PCDHGA4: variants seen among roughly 807,000 people sequenced by gnomAD.
PCDHGA4 encodes the protein protocadherin gamma subfamily A, 4.
A neutral mutation model predicts 54.6 loss-of-function variants in PCDHGA4; 38 were observed. The ratio of observed to expected loss-of-function variants is 0.70; its 90% confidence interval spans 0.54 to 0.91. The LOEUF (loss-of-function observed/expected upper bound fraction) is 0.91, where lower values mean the gene tolerates loss of function less well. Among genes scored for constraint, PCDHGA4 ranks in the 40% least tolerant of loss-of-function variants. The probability of loss-of-function intolerance (pLI) is 0.00; values close to 1 mark genes in which losing one functional copy is unlikely to be tolerated. For synonymous variants in PCDHGA4, 511 were observed against 512.9 expected (o/e 1.00, Z 0.05); for missense variants, 1,298 against 1,220.9 (o/e 1.06, Z -0.94).
In PCDHGA4 at chr5:141,491,893, G is replaced by C. The variant is rs2099734820; in HGVS notation, c.2515-2914G>C. The C allele has an allele frequency of 6.9e-7, 1 of 1,438,856 alleles. No individual in the cohort carries two copies. The highest frequency in any genetic ancestry group is 9.2e-7 in the Non-Finnish European group (1 of 1,088,104). 89.1% of individuals were successfully genotyped at this position (1,438,856 alleles called of 1,614,324 possible). A position where few individuals can be genotyped will look rare whatever the true frequency, so the allele number is the denominator to read the frequency against. ...GGCCGATTAAGGGATGGGGCTCCGA[G>C]CACCGGGGGTGGTGGCGACTGTGGG... On this transcript the variant is annotated intron_variant, in intron 1 of 3. Coordinates refer to ENST00000571252, the MANE Select transcript of PCDHGA4 (RefSeq NM_018917.4). The surrounding 1 kb of genome is among the most constrained non-coding windows in gnomAD (Gnocchi z 6.9).
At chr5:141,443,055 C>G (rs994152277) in intron 1 of PCDHGA4, among the ~76,000 whole-genome samples, 1 of 152,208 alleles carries the variant, frequency 6.6e-6, no homozygotes, top group Non-Finnish European at 1.5e-5. Flanking sequence ...TATTGTTCCA[C>G]TGAAGAGCGT....
chr5:141,384,443 A>G, intron 1 of PCDHGA4: 1 of 1,614,030 alleles, frequency 6.2e-7, no homozygotes, highest in Non-Finnish European at 8.5e-7. Flanking sequence ...GGAGTCCTGT[A>G]CGCGCTGCAA....
At position 141,410,612 on chromosome 5, in the gene PCDHGA4, C is replaced by CT. The variant is rs748943892; in HGVS notation, c.2514+52992dup. The CT allele has an allele frequency of 5.6e-6, 9 of 1,605,878 alleles. 1 individual carries two copies. The South Asian group carries it at 9.9e-5, about 18-fold the overall frequency. On this transcript the variant is annotated intron_variant, in intron 1 of 3. Transcript: ENST00000571252. ...GGATTTGACTTCACATCCTGAGACT[C>CT]TGACTTCGGTGAGTTTCTCTTTTTT...
intron 1 of PCDHGA4, chr5:141,415,863 G>T (rs1321470910): frequency 2.7e-5 from 30 of 1,107,154 alleles, no homozygotes; most frequent in Non-Finnish European, 3.6e-5. Context: ...GTAGTTTATA[G>T]TGTTGTTGAG....
chr5:141,470,708 A>T (rs1293545270), intron 1 of PCDHGA4, among the ~76,000 whole-genome samples: 1 of 151,804 alleles, frequency 6.6e-6, no homozygotes. Flanking sequence ...TTTTTATTTT[A>T]TTTTTTTGAG....
intron 2 of PCDHGA4, among the ~76,000 whole-genome samples, chr5:141,497,132 G>T (rs2099774325): frequency 6.6e-6 from 1 of 152,046 alleles, no homozygotes; most frequent in Non-Finnish European, 1.5e-5. Context: ...GTTGCAGTGA[G>T]CTGAGATCAC....
chr5:141,491,648 T>G lies in PCDHGA4; in HGVS notation c.2515-3159T>G, dbSNP rs756792762. 1 of 1,613,834 alleles carries G rather than the reference T, an allele frequency of 6.2e-7. No individual in the cohort carries two copies. Among genetic ancestry groups the G allele is most frequent in the Non-Finnish European group, 8.5e-7 (1 of 1,180,002 alleles). On this transcript the variant is annotated intron_variant, in intron 1 of 3. Coordinates refer to ENST00000571252, the MANE Select transcript of PCDHGA4 (RefSeq NM_018917.4). This position sits in a 1 kb window ranked among gnomAD's most constrained non-coding sequence, Gnocchi z 6.9. Reference sequence around the variant, plus strand: ...GTTCAGCAGCCCACAGCTCTGGCGCTGGAGCCTGACGCCATCCGGTCCCGC... The same window carrying G: ...GTTCAGCAGCCCACAGCTCTGGCGCGGGAGCCTGACGCCATCCGGTCCCGC...
intron 1 of PCDHGA4, among the ~76,000 whole-genome samples, chr5:141,437,452 G>GACTAT (rs1319101256): frequency 6.6e-6 from 1 of 152,144 alleles, no homozygotes; most frequent in Non-Finnish European, 1.5e-5. Context: ...ATGTTGAGGA[G>GACTAT]ACTATACTAT....
In PCDHGA4 at chr5:141,355,881, G is replaced by T. The variant is rs1338727421; in HGVS notation, c.774G>T (p.Arg258Ser). ...ACCCGGTTCGCTCTGGCACTGCCAG[G>T]ATTCTCATAATACTTGTGGATACCA... ...GGDPVRSGTARILIILVDTND... is the reference protein window; with the variant it reads ...GGDPVRSGTASILIILVDTND... The change falls in exon 1 of 4, where the codon AGG becomes AGT. Residue 258 changes from arginine (R) to serine (S), a missense_variant. Arg to Ser is a moderately radical substitution (Grantham distance 110). Coordinates refer to ENST00000571252, the MANE Select transcript of PCDHGA4 (RefSeq NM_018917.4). The T allele has an allele frequency of 1.1e-5, 18 of 1,613,360 alleles. No individual in the cohort carries two copies. Among genetic ancestry groups the T allele is most frequent in the Non-Finnish European group, 1.5e-5 (18 of 1,179,662 alleles).
At chr5:141,398,989 T>G (rs766277028) in intron 1 of PCDHGA4, 2 of 1,613,796 alleles carry the variant, frequency 1.2e-6, no homozygotes, top group Non-Finnish European at 1.7e-6. Flanking sequence ...CGGGCAAATC[T>G]TTAGTCTGAA....
rs200491568 is a variant in PCDHGA4, at chr5:141,493,146, G to A, written c.2515-1661G>A. 9.6e-6 allele frequency among the ~76,000 whole-genome samples: 1 copy of A among 104,172 alleles called. No homozygotes were observed. The highest frequency in any genetic ancestry group is 3.1e-5 in the African/African-American group (1 of 32,680). 68.3% of individuals were successfully genotyped at this position (104,172 alleles called of 152,430 possible). A position where few individuals can be genotyped will look rare whatever the true frequency, so the allele number is the denominator to read the frequency against. On this transcript the variant is annotated intron_variant, in intron 1 of 3. Transcript: ENST00000571252. The surrounding 1 kb of genome is among the most constrained non-coding windows in gnomAD (Gnocchi z 4.3). ...AGGACTGTATTTTGAAACACCCCCA[G>A]GTGATTTTGATAGCTGATTGAGAGA... is the stretch of plus-strand genomic sequence containing the variant.
At chr5:141,464,279 C>CAAA (rs373828487) in intron 1 of PCDHGA4, among the ~76,000 whole-genome samples, 8 of 137,748 alleles carry the variant, frequency 5.8e-5, no homozygotes, top group Admixed American at 1.5e-4. Flanking sequence ...AAAAAAAAAG[C>CAAA]AAAAAAAAAA....
At chr5:141,395,207 T>C (rs1589256269) in intron 1 of PCDHGA4, 6 of 1,613,702 alleles carry the variant, frequency 3.7e-6, no homozygotes, top group Non-Finnish European at 5.1e-6. Context: ...TAGATTTTCA[T>C]GAATATAAGA....
intron 1 of PCDHGA4, among the ~76,000 whole-genome samples, chr5:141,406,193 C>T (rs2094777569): frequency 1.3e-5 from 2 of 151,820 alleles, no homozygotes. Flanking sequence ...CCACCTCAGC[C>T]TTCACAGTAG....
Position 141,477,865 on chromosome 5 carries a change from T to A in PCDHGA4, c.2515-16942T>A, listed in dbSNP as rs1380570615. On this transcript the variant is annotated intron_variant, in intron 1 of 3. Transcript: ENST00000571252. This position sits in a 1 kb window ranked among gnomAD's most constrained non-coding sequence, Gnocchi z 4.9. ...GCTCGGTGGAGATGCTGCCTCGAGG[T>A]ACCTCAGCTGGCCACCTAGTGTCAC... 6.2e-7 allele frequency: 1 copy of A among 1,612,698 alleles called. No individual in the cohort carries two copies. Among genetic ancestry groups the A allele is most frequent in the Non-Finnish European group, 8.5e-7 (1 of 1,179,562 alleles).
At chr5:141,492,189 G>C (rs2099737936) in intron 1 of PCDHGA4, among the ~76,000 whole-genome samples, 1 of 152,204 alleles carries the variant, frequency 6.6e-6, no homozygotes, top group Non-Finnish European at 1.5e-5. Context: ...GCACCTGTCT[G>C]CGGGACTTAG....
At chr5:141,374,154 G>T (rs376984494) in intron 1 of PCDHGA4, 4 of 1,611,790 alleles carry the variant, frequency 2.5e-6, no homozygotes, top group Non-Finnish European at 3.4e-6. Flanking sequence ...GGGACGCTGT[G>T]GGGGGCCGCG....
At chr5:141,385,582 G>T (rs1192405517) in intron 1 of PCDHGA4, 42 of 1,273,732 alleles carry the variant, frequency 3.3e-5, no homozygotes, top group Non-Finnish European at 4.1e-5. Context: ...TCCAATCTAT[G>T]TTCCAACCTA....
chr5:141,413,910 C>T, intron 1 of PCDHGA4: 1 of 1,613,376 alleles, frequency 6.2e-7, no homozygotes, highest in Non-Finnish European at 8.5e-7. Flanking sequence ...ACGCGCCGGT[C>T]TTCACCTTGC....
Sources: allele counts gnomAD v4.1 joint callset (sites outside exome capture counted in the v4.1 genomes callset), GRCh38; gene constraint gnomAD v4.1.1; non-coding constraint Gnocchi (gnomAD v3.1); transcripts MANE v1.5; gene names NCBI Gene and HGNC (gene_info 2026-07-23, HGNC 2026-07-21).